The following MACROD2 variants were observed in gnomAD, a reference collection of about 807,000 sequenced individuals.
The protein encoded by MACROD2 is mono-ADP ribosylhydrolase 2.
MACROD2 carries 36 observed loss-of-function variants against 70.4 expected under a neutral mutation model. That is an observed-to-expected ratio of 0.51 (90% CI 0.39 to 0.68). The LOEUF (loss-of-function observed/expected upper bound fraction) is 0.68. Ranked by LOEUF, MACROD2 falls within the 30% of genes least tolerant of loss-of-function variation. MACROD2 has a pLI of 0.00. For missense variants in MACROD2, 496 were observed against 538.4 expected (o/e 0.92, Z 0.78); for synonymous variants, 172 against 178.8 (o/e 0.96, Z 0.30).
intron 3 of MACROD2, among the ~76,000 whole-genome samples, chr20:14,396,058 A>G (rs1242931078): frequency 2.0e-4 from 30 of 152,112 alleles, no homozygotes. Context: ...CCTGCTATGG[A>G]TTTCTAATTT....
intron 5 of MACROD2, among the ~76,000 whole-genome samples, chr20:15,064,002 A>G (rs2075554467): frequency 6.6e-6 from 1 of 152,164 alleles, no homozygotes; most frequent in Non-Finnish European, 1.5e-5. Flanking sequence ...CACCTCAATT[A>G]TAGGTGAGGA....
At chr20:14,925,362 A>G (rs1455872561) in intron 5 of MACROD2, among the ~76,000 whole-genome samples, 1 of 152,206 alleles carries the variant, frequency 6.6e-6, no homozygotes, top group Non-Finnish European at 1.5e-5. Context: ...CTGCCCTCAG[A>G]TAGTGGTTAT....
At chr20:14,474,107 C>T (rs1438577923) in intron 3 of MACROD2, among the ~76,000 whole-genome samples, 3 of 151,194 alleles carry the variant, frequency 2.0e-5, no homozygotes, top group East Asian at 1.9e-4. Context: ...TATTTTTTTT[C>T]CCATTTTGCC....
intron 2 of MACROD2, among the ~76,000 whole-genome samples, chr20:14,067,315 G>C (rs2053776836): frequency 1.3e-5 from 2 of 151,512 alleles, no homozygotes; most frequent in African/African-American, 4.9e-5. Context: ...GTAGAGATGG[G>C]GTTTCACATG....
chr20:15,065,876 C>T (rs914797240), intron 5 of MACROD2, among the ~76,000 whole-genome samples: 2 of 152,008 alleles, frequency 1.3e-5, no homozygotes, highest in African/African-American at 4.8e-5. Context: ...ACTGTTGTTG[C>T]ATAAGAAACA....
chr20:15,019,425 A>G (rs1314857634), intron 5 of MACROD2, among the ~76,000 whole-genome samples: 1 of 152,172 alleles, frequency 6.6e-6, no homozygotes, highest in Non-Finnish European at 1.5e-5. Flanking sequence ...CTAACTACAA[A>G]GCCTTTTTCC....
At chr20:14,637,197 A>G (rs1984831476) in intron 4 of MACROD2, among the ~76,000 whole-genome samples, 1 of 152,130 alleles carries the variant, frequency 6.6e-6, no homozygotes, top group Admixed American at 6.6e-5. Context: ...GCCGTTCTAT[A>G]CTGGTTTGAA....
At chr20:15,521,501 T>C (rs1275096086) in intron 8 of MACROD2, among the ~76,000 whole-genome samples, 5 of 152,348 alleles carry the variant, frequency 3.3e-5, no homozygotes, top group African/African-American at 1.2e-4. Flanking sequence ...AAGTATTAAC[T>C]TGAGTATTTT....
chr20:14,176,743 G>T (rs865937667), intron 3 of MACROD2, among the ~76,000 whole-genome samples: 22 of 151,932 alleles, frequency 1.4e-4, no homozygotes, highest in African/African-American at 4.8e-4. Flanking sequence ...TTTTTATCTT[G>T]GTTTTGAGGA....
chr20:14,412,762 A>G (rs903571056), intron 3 of MACROD2, among the ~76,000 whole-genome samples: 4 of 152,184 alleles, frequency 2.6e-5, no homozygotes, highest in African/African-American at 4.8e-5. Flanking sequence ...ATAAGATATC[A>G]CAAAAAAACT....
chr20:14,775,036 G>A (rs2072216280), intron 5 of MACROD2, among the ~76,000 whole-genome samples: 1 of 152,116 alleles, frequency 6.6e-6, no homozygotes, highest in African/African-American at 2.4e-5. Context: ...AAGAGTCTAT[G>A]TGTGTGCCTG....
rs548251035 is a variant in MACROD2 at position 15,865,679 on chromosome 20, C to T, written c.727+2853C>T. ...GATATGTATGTCAGGGGAGACACAG[C>T]GAGGAAGTAAAACCAAAATGCACAA... On this transcript the variant is annotated intron_variant, in intron 9 of 17. Coordinates refer to ENST00000684519, the MANE Select transcript of MACROD2 (RefSeq NM_001351661.2). Among the ~76,000 whole-genome samples the T allele has an allele frequency of 2.1e-3, 320 of 152,166 alleles. 1 individual carries two copies. Among genetic ancestry groups the T allele is most frequent in the African/African-American group, 7.4e-3 (309 of 41,512 alleles).
intron 8 of MACROD2, among the ~76,000 whole-genome samples, chr20:15,513,251 C>T (rs970290033): frequency 1.1e-4 from 16 of 152,108 alleles, no homozygotes; most frequent in Non-Finnish European, 2.1e-4. Flanking sequence ...TAAATAGTCA[C>T]GTTCTGTTCG....
At chr20:14,644,296 A>G (rs1985255436) in intron 4 of MACROD2, among the ~76,000 whole-genome samples, 2 of 152,160 alleles carry the variant, frequency 1.3e-5, no homozygotes, top group East Asian at 3.9e-4. Flanking sequence ...TCTACAGTAA[A>G]TCTGTTAGAA....
At chr20:15,329,892 G>A (rs1033467752) in intron 6 of MACROD2, among the ~76,000 whole-genome samples, 2 of 152,054 alleles carry the variant, frequency 1.3e-5, no homozygotes, top group African/African-American at 4.8e-5. Flanking sequence ...ACACAGAGGA[G>A]GGTCACTCTT....
intron 8 of MACROD2, among the ~76,000 whole-genome samples, chr20:15,550,774 C>A (rs1237489027): frequency 6.6e-6 from 1 of 152,152 alleles, no homozygotes; most frequent in Non-Finnish European, 1.5e-5. Context: ...AATGATTGTA[C>A]ATGGATTTTC....
intron 8 of MACROD2, among the ~76,000 whole-genome samples, chr20:15,779,106 C>T (rs1485250405): frequency 6.6e-6 from 1 of 152,118 alleles, no homozygotes; most frequent in African/African-American, 2.4e-5. Flanking sequence ...CTCTAACTAT[C>T]ATATCCCATG....
At chr20:15,578,431 G>A (rs935926072) in intron 8 of MACROD2, among the ~76,000 whole-genome samples, 7 of 152,174 alleles carry the variant, frequency 4.6e-5, no homozygotes, top group African/African-American at 1.7e-4. Context: ...CTCATGAGGT[G>A]GTTGTGAGGA....
At chr20:14,006,775 A>C (rs1001133995) in intron 2 of MACROD2, among the ~76,000 whole-genome samples, 13 of 151,760 alleles carry the variant, frequency 8.6e-5, no homozygotes, top group African/African-American at 3.1e-4. Flanking sequence ...GTCCTGCAGA[A>C]TTTTTTATAT....
Sources: allele counts gnomAD v4.1 joint callset (sites outside exome capture counted in the v4.1 genomes callset), GRCh38; gene constraint gnomAD v4.1.1; transcripts MANE v1.5; gene names NCBI Gene and HGNC (gene_info 2026-07-23, HGNC 2026-07-21).